ZC3H18: variants seen among roughly 807,000 people sequenced by gnomAD.
ZC3H18 encodes zinc finger CCCH-type containing 18, also known as zinc finger CCCH domain-containing protein 18.
A neutral mutation model predicts 106.1 loss-of-function variants in ZC3H18; 8 were observed. The observed-to-expected ratio is 0.08, with a 90% CI of 0.04 to 0.14. The LOEUF is 0.14. ZC3H18 is among the 10% of genes least tolerant of loss of function. ZC3H18 has a pLI of 1.00. For synonymous variants in ZC3H18, 635 were observed against 522.1 expected (o/e 1.22, Z -2.95); for missense variants, 1,318 against 1,278.4 (o/e 1.03, Z -0.47).
chr16:88,616,349 TTTCC>T (rs1905603144), intron 8 of ZC3H18, among the ~76,000 whole-genome samples: 2 of 152,264 alleles, frequency 1.3e-5, no homozygotes, highest in African/African-American at 4.8e-5. Flanking sequence ...CGTCCCTTTC[TTTCC>T]TTCCTGAAGC....
In ZC3H18 at chr16:88,598,527, G is replaced by A. The variant is rs548266133; in HGVS notation, c.838-93G>A. 49 of 1,457,242 alleles carry A rather than the reference G, an allele frequency of 3.4e-5. No homozygotes were observed. The East Asian group carries it at 4.6e-4, about 14-fold the overall frequency. 90.3% of individuals were successfully genotyped at this position (1,457,242 alleles called of 1,614,324 possible). On this transcript the variant is annotated intron_variant, in intron 4 of 17. Coordinates refer to ENST00000301011, the MANE Select transcript of ZC3H18 (RefSeq NM_144604.4). ...GGAAGGAGAGCGGCCACACACGGCC[G>A]GCTTGTGTTGTAGTTGATGTTTTTA...
At chr16:88,605,379 G>A (rs898497530) in intron 6 of ZC3H18, among the ~76,000 whole-genome samples, 5 of 152,380 alleles carry the variant, frequency 3.3e-5, no homozygotes, top group South Asian at 2.1e-4. Flanking sequence ...CAACAGGAAC[G>A]TGGGCAACAG....
intron 3 of ZC3H18, 156 bp downstream of exon 3, chr16:88,586,840 C>A: frequency 4.8e-6 from 3 of 621,076 alleles, no homozygotes; most frequent in Non-Finnish European, 8.7e-6. Flanking sequence ...GTGGTGGTGG[C>A]AATATTGATG....
chr16:88,622,242 G>T lies in ZC3H18; in HGVS notation c.1521G>T (p.Pro507=), dbSNP rs370135967. ...PPKKEAATTG[P]QVKRADEWKD... ...AGAAGGAGGCTGCCACCACGGGGCC[G>T]CAGGTGAAGAGAGCAGATGAGTGGA... is the stretch of plus-strand genomic sequence containing the variant. Residue 507 remains proline (P), a synonymous_variant, in exon 9 of 18, where the codon CCG becomes CCT. Coordinates refer to ENST00000301011, the MANE Select transcript of ZC3H18 (RefSeq NM_144604.4). The T allele has an allele frequency of 1.2e-5, 20 of 1,612,996 alleles. No homozygotes were observed. In the South Asian group the frequency reaches 2.1e-4, roughly 17 times the overall value.
Position 88,628,872 on chromosome 16 carries a change from T to TA in ZC3H18, c.2566+19dup. On this transcript the variant is annotated intron_variant, in intron 16 of 17. Transcript: ENST00000301011. ...AGACCGAGGTGAGCCTCCCAGCCCC[T>TA]AGGGGGCAGGGCAGAGGGACGGGAG... is the stretch of plus-strand genomic sequence containing the variant. 1 of 1,612,924 alleles carries TA rather than the reference T, an allele frequency of 6.2e-7. No homozygotes were observed. Among genetic ancestry groups the TA allele is most frequent in the Non-Finnish European group, 8.5e-7 (1 of 1,179,152 alleles).
rs768918475 is a variant in ZC3H18 at position 88,627,634 on chromosome 16, G to C, written c.2121G>C (p.Val707=). The part of the protein sequence containing the change: ...GSSSRSRSLS[V]SSVSSVSSAT... Reference sequence around the variant, plus strand: ...CTTGTGTGTCCAGGTCCCTGAGCGTGAGCAGCGTCTCCTCAGTGTCCAGTG... The same window carrying C: ...CTTGTGTGTCCAGGTCCCTGAGCGTCAGCAGCGTCTCCTCAGTGTCCAGTG... The change falls in exon 14 of 18, where the codon GTG becomes GTC. Residue 707 remains valine (V), a synonymous_variant. Transcript: ENST00000301011. The surrounding 1 kb of genome is among the most constrained non-coding windows in gnomAD (Gnocchi z 4.5). The C allele has an allele frequency of 1.9e-6, 3 of 1,604,792 alleles. No individual in the cohort carries two copies. Among genetic ancestry groups the C allele is most frequent in the South Asian group, 2.2e-5 (2 of 90,812 alleles).
chr16:88,618,179 G>C (rs1376026153), intron 8 of ZC3H18, among the ~76,000 whole-genome samples: 1 of 152,018 alleles, frequency 6.6e-6, no homozygotes, highest in African/African-American at 2.4e-5. Context: ...TCGTCCATTG[G>C]ACTCCACTTT....
chr16:88,630,676 C>A, intron 17 of ZC3H18, 95 bp downstream of exon 17: 2 of 1,125,652 alleles, frequency 1.8e-6, no homozygotes, highest in African/African-American at 1.5e-5. Flanking sequence ...TAGCACTGGG[C>A]CAGGCTGGAG....
In ZC3H18 at chr16:88,624,681, A is replaced by C. The variant is rs201682913; in HGVS notation, c.1978A>C (p.Thr660Pro). 8.7e-6 allele frequency: 14 copies of C among 1,613,660 alleles called. No individual in the cohort carries two copies. The East Asian group carries it at 3.1e-4, about 36-fold the overall frequency. Residue 660 changes from threonine to proline, a missense_variant, in exon 12 of 18, where the codon ACC becomes CCC. Thr to Pro is a conservative substitution (Grantham distance 38). Around this residue, in one of 6 missense-constraint regions of ZC3H18, gnomAD observed 848 missense variants for 821.7 expected, o/e 1.03. Transcript: ENST00000301011. ...TKTTAPVPEP[T>P]KPGDPREARR... ...AACCACTGCTCCTGTCCCCGAGCCC[A>C]CCAAGCCAGGAGACCCTCGGGAAGC...
At chr16:88,614,438 T>G (rs1905455833) in intron 8 of ZC3H18, among the ~76,000 whole-genome samples, 1 of 152,230 alleles carries the variant, frequency 6.6e-6, no homozygotes, top group Non-Finnish European at 1.5e-5. Flanking sequence ...TTTCTGAAAG[T>G]CAGCTCTCAG....
intron 6 of ZC3H18, among the ~76,000 whole-genome samples, chr16:88,608,118 G>A (rs1348686941): frequency 6.6e-6 from 1 of 152,088 alleles, no homozygotes; most frequent in Non-Finnish European, 1.5e-5. Flanking sequence ...GGTTTTTCAT[G>A]TATAGTATCA....
At chr16:88,613,420 C>T (rs909807264) in intron 8 of ZC3H18, among the ~76,000 whole-genome samples, 1 of 152,196 alleles carries the variant, frequency 6.6e-6, no homozygotes, top group Admixed American at 6.5e-5. Flanking sequence ...GAGAAACCCT[C>T]AAACTGTTGT....
intron 8 of ZC3H18, among the ~76,000 whole-genome samples, chr16:88,612,600 G>A (rs1012537340): frequency 1.4e-5 from 2 of 148,104 alleles, no homozygotes; most frequent in African/African-American, 2.5e-5. Context: ...TTACAGGATC[G>A]CCCAGGTGTT....
At chr16:88,590,028 A>G (rs1915650108) in intron 3 of ZC3H18, among the ~76,000 whole-genome samples, 1 of 152,216 alleles carries the variant, frequency 6.6e-6, no homozygotes, top group South Asian at 2.1e-4. Flanking sequence ...CATACCTGGA[A>G]TCCTAGCACT....
rs1474719287 is a variant in ZC3H18, at chr16:88,624,060, A to G, written c.1896A>G (p.Ala632=). 2 of 1,613,812 alleles carry G rather than the reference A, an allele frequency of 1.2e-6. No homozygotes were observed. The highest frequency in any genetic ancestry group is 2.2e-5 in the East Asian group (1 of 44,868). The change falls in exon 11 of 18, where the codon GCA becomes GCG. Residue 632 remains alanine, a splice_region_variant and synonymous_variant. Coordinates refer to ENST00000301011, the MANE Select transcript of ZC3H18 (RefSeq NM_144604.4). ...KGEPAPPPGK[A]GEKSVKKPAP... is the part of the protein sequence containing the mutation. ...AGCCGGCCCCGCCGCCCGGGAAAGC[A>G]GGGTGAGTGCCCAGCCTGTGGGCAA...
At chr16:88,586,810 T>TGGG in intron 3 of ZC3H18, 126 bp downstream of exon 3, 1 of 319,658 alleles carries the variant, frequency 3.1e-6, no homozygotes, top group Non-Finnish European at 6.2e-6. Context: ...ACTGGCTAGG[T>TGGG]GGTGGTGGTG....
Position 88,570,508 on chromosome 16 carries a change from T to G in ZC3H18, c.-73T>G, listed in dbSNP as rs1424401067. 1 of 151,888 alleles carries G rather than the reference T, an allele frequency of 6.6e-6. No homozygotes were observed. Among genetic ancestry groups the G allele is most frequent in the Non-Finnish European group, 1.5e-5 (1 of 67,956 alleles). 9.4% of individuals were successfully genotyped at this position (151,888 alleles called of 1,614,324 possible). On this transcript the variant is annotated 5_prime_UTR_variant, in exon 1 of 18. Coordinates refer to ENST00000301011, the MANE Select transcript of ZC3H18 (RefSeq NM_144604.4). ...AAGAGCGGAAGGGCCAAGGGACGTC[T>G]TCTCCACGCCGCTCCGACTCCAGGG...
chr16:88,586,678 A>G lies in ZC3H18; in HGVS notation c.682A>G (p.Met228Val), dbSNP rs763246501. 1.1e-5 allele frequency: 17 copies of G among 1,614,020 alleles called. No individual in the cohort carries two copies. Among genetic ancestry groups the G allele is most frequent in the Admixed American group, 8.3e-5 (5 of 60,002 alleles). Residue 228 changes from methionine to valine, a missense_variant, in exon 3 of 18, where the codon ATG becomes GTG. This residue lies in a region of ZC3H18 where 30 missense variants were observed against 63.3 expected (regional missense o/e 0.47). Transcript: ENST00000301011. ...VRPRPTCRFF[M>V]KGNCTWGMNC... Reference sequence around the variant, plus strand: ...GCCTCGTCCCACCTGCCGGTTCTTCATGAAAGGTAATTGTCTGCGTGTGAG... The same window carrying G: ...GCCTCGTCCCACCTGCCGGTTCTTCGTGAAAGGTAATTGTCTGCGTGTGAG...
rs113134808 is a variant in ZC3H18, at chr16:88,586,807, A to AGGTGGT, written c.688+150_688+155dup. ...GGCAGTTCTCTGGGCATTACTGGCT[A>AGGTGGT]GGTGGTGGTGGTGGTGGTGGTGGTG... On this transcript the variant is annotated intron_variant, in intron 3 of 17. Transcript: ENST00000301011. The AGGTGGT allele has an allele frequency of 6.5e-4, 322 of 493,924 alleles. 1 individual carries two copies. Among genetic ancestry groups the AGGTGGT allele is most frequent in the African/African-American group, 2.6e-3 (126 of 49,162 alleles). The allele number at this position is 493,924 out of a possible 1,614,324, so 30.6% of individuals were successfully genotyped here.
Sources: allele counts gnomAD v4.1 joint callset (sites outside exome capture counted in the v4.1 genomes callset), GRCh38; gene constraint gnomAD v4.1.1; regional missense constraint gnomAD v4.1.1; non-coding constraint Gnocchi (gnomAD v3.1); transcripts MANE v1.5; gene names NCBI Gene and HGNC (gene_info 2026-07-23, HGNC 2026-07-21).